The following UTP25 variants were observed in gnomAD, a reference collection of about 807,000 sequenced individuals.
UTP25 encodes UTP25 small subunit processome component, also known as U3 small nucleolar RNA-associated protein 25 homolog.
A neutral mutation model predicts 78.9 loss-of-function variants in UTP25; 50 were observed. The ratio of observed to expected loss-of-function variants is 0.63; its 90% confidence interval spans 0.50 to 0.80. The LOEUF is 0.80. UTP25 is among the 30% of genes least tolerant of loss of function. The pLI, the probability that UTP25 is intolerant of heterozygous loss-of-function variation, is 0.00. For missense variants in UTP25, 846 were observed against 911.3 expected (o/e 0.93, Z 0.92); for synonymous variants, 329 against 336.5 (o/e 0.98, Z 0.24).
chr1:209,842,657 G>C lies in UTP25; in HGVS notation c.1743G>C (p.Arg581Ser). ...VLVQLPHVFQ[R>S]MEAENLASVI... is the part of the protein sequence containing the mutation. Reference sequence around the variant, plus strand: ...TGCAGCTCCCACATGTCTTCCAGAGGATGGAAGCTGAAAACCTAGCTTCAG... The same window carrying C: ...TGCAGCTCCCACATGTCTTCCAGAGCATGGAAGCTGAAAACCTAGCTTCAG... The change falls in exon 10 of 12, where the codon AGG becomes AGC. Residue 581 changes from arginine (R) to serine (S), a missense_variant. By Grantham distance (110) the Arg-to-Ser change is moderately radical (BLOSUM62 -1). Transcript: ENST00000491415. The C allele has an allele frequency of 1.9e-6, 3 of 1,613,412 alleles. No individual in the cohort carries two copies. Among genetic ancestry groups the C allele is most frequent in the South Asian group, 1.1e-5 (1 of 90,778 alleles).
In UTP25 at chr1:209,833,241, A is replaced by T. The variant is rs750519776; in HGVS notation, c.445A>T (p.Thr149Ser). Residue 149 changes from threonine (T) to serine (S), a missense_variant, in exon 4 of 12, where the codon ACA becomes TCA. Physicochemically the swap from Thr to Ser is moderately conservative, Grantham distance 58. Coordinates refer to ENST00000491415, the MANE Select transcript of UTP25 (RefSeq NM_014388.7). ...AGAAGATGGGGAAGAGCCACCGGGC[A>T]CATCACAAACATCCCCCGAAGAGTT... ...GKEDGEEPPG[T>S]SQTSPEEFTD... 2 of 1,614,056 alleles carry T rather than the reference A, an allele frequency of 1.2e-6. No individual in the cohort carries two copies. The highest frequency in any genetic ancestry group is 8.5e-7 in the Non-Finnish European group (1 of 1,179,976).
Position 209,856,773 on chromosome 1 carries a change from T to G in UTP25, c.*5326T>G, listed in dbSNP as rs766043119. 4 of 152,250 alleles carry G rather than the reference T, an allele frequency of 2.6e-5. No individual in the cohort carries two copies. The highest frequency in any genetic ancestry group is 5.9e-5 in the Non-Finnish European group (4 of 68,050). 9.4% of individuals were successfully genotyped at this position (152,250 alleles called of 1,614,324 possible). ...TGTACTTCAGGGTTGATGCTGGCCA[T>G]TTGGTGGCGTGAGGAGTGGGCACTC... On this transcript the variant is annotated 3_prime_UTR_variant, in exon 12 of 12. Coordinates refer to ENST00000491415, the MANE Select transcript of UTP25 (RefSeq NM_014388.7).
chr1:209,843,857 C>CTTGG (rs2078181367), intron 11 of UTP25, 161 bp downstream of exon 11: 2 of 979,572 alleles, frequency 2.0e-6, no homozygotes, highest in East Asian at 5.2e-5. Context: ...ACAGACTCTT[C>CTTGG]TTGGTTGGTT....
intron 4 of UTP25, 84 bp downstream of exon 4, chr1:209,833,442 G>A: frequency 8.3e-7 from 1 of 1,208,250 alleles, no homozygotes; most frequent in Non-Finnish European, 1.1e-6. Flanking sequence ...TCTATTATTG[G>A]AACAAACAGC....
Position 209,851,833 on chromosome 1 carries a change from T to TG in UTP25, c.*386_*387insG. 6.1e-6 allele frequency: 1 copy of TG among 164,058 alleles called. No homozygotes were observed. Among genetic ancestry groups the TG allele is most frequent in the Non-Finnish European group, 1.3e-5 (1 of 74,934 alleles). The allele number at this position is 164,058 out of a possible 1,614,324, so 10.2% of individuals were successfully genotyped here. On this transcript the variant is annotated 3_prime_UTR_variant, in exon 12 of 12. Transcript: ENST00000491415. ...ACTTCCTTAAAGTAAGGAATACACA[T>TG]TGCTTGCGAGAACTGGTTATGAGAC...
intron 6 of UTP25, 104 bp from the exon 7 acceptor site, chr1:209,838,805 A>G (rs746313784): frequency 7.9e-7 from 1 of 1,263,534 alleles, no homozygotes; most frequent in Non-Finnish European, 1.2e-6. Flanking sequence ...GCTGGGGGCC[A>G]CTGCTCTACA....
intron 5 of UTP25, 22 bp from the exon 6 acceptor site, chr1:209,836,779 T>C (rs778845850): frequency 6.4e-7 from 1 of 1,560,520 alleles, no homozygotes; most frequent in South Asian, 1.2e-5. Flanking sequence ...CTAATTTGGC[T>C]CTTGATCTGT....
At position 209,838,914 on chromosome 1, in the gene UTP25, G is replaced by A. The variant is rs139412208; in HGVS notation, c.1068G>A (p.Leu356=). 211 of 1,614,082 alleles carry A rather than the reference G, an allele frequency of 1.3e-4. No homozygotes were observed. The African/African-American group carries it at 2.5e-3, about 19-fold the overall frequency. Residue 356 remains leucine (L), a synonymous_variant, in exon 7 of 12, where the codon CTG becomes CTA. Coordinates refer to ENST00000491415, the MANE Select transcript of UTP25 (RefSeq NM_014388.7). ...TGCTGTTGCTGTCTGCACAGGTACT[G>A]ATAGTGGTGCCATTCCGGGAAGCTG... is the stretch of plus-strand genomic sequence containing the variant. The part of the protein sequence containing the change: ...RDQGLTRPKV[L]IVVPFREAAL...
intron 10 of UTP25, chr1:209,843,113 A>G (rs898544174): frequency 3.7e-5 from 14 of 380,424 alleles, no homozygotes; most frequent in Non-Finnish European, 5.7e-5. Flanking sequence ...GGCTTAGTAT[A>G]TGGTAGATGT....
chr1:209,831,078 C>T, intron 3 of UTP25, 35 bp downstream of exon 3: 1 of 1,610,196 alleles, frequency 6.2e-7, no homozygotes, highest in Non-Finnish European at 8.5e-7. Flanking sequence ...TCATCTTTGC[C>T]AGAACTATAG....
chr1:209,829,598 C>T (rs1490612507), intron 1 of UTP25, among the ~76,000 whole-genome samples: 3 of 152,008 alleles, frequency 2.0e-5, no homozygotes, highest in African/African-American at 7.3e-5. Context: ...GTCCTCCTGC[C>T]TCAGCCTTCC....
At position 209,855,962 on chromosome 1, in the gene UTP25, CCTCT is replaced by C. The variant is rs2078272721; in HGVS notation, c.*4519_*4522del. 6.6e-6 allele frequency: 1 copy of C among 152,432 alleles called. No homozygotes were observed. The highest frequency in any genetic ancestry group is 1.5e-5 in the Non-Finnish European group (1 of 68,190). 9.4% of individuals were successfully genotyped at this position (152,432 alleles called of 1,614,324 possible). On this transcript the variant is annotated 3_prime_UTR_variant, in exon 12 of 12. Transcript: ENST00000491415. ...CCTTCGTCCTCACTGACCTCTGCAGCCTCTCTCATCTGCCAGTTTTGATTCCGCA... is the reference window on the plus strand; with the variant it reads ...CCTTCGTCCTCACTGACCTCTGCAGCCTCATCTGCCAGTTTTGATTCCGCA...
In UTP25 at chr1:209,843,590, A is replaced by G; in HGVS notation, c.1921A>G (p.Ile641Val). The G allele has an allele frequency of 6.2e-7, 1 of 1,614,180 alleles. No homozygotes were observed. The highest frequency in any genetic ancestry group is 8.5e-7 in the Non-Finnish European group (1 of 1,180,008). ...FKKEELNFTH[I>V]CEYTQKSGVS... ...GAAGGAGGAATTGAATTTTACCCAC[A>G]TCTGCGAGTACACGCAGAAGTCTGG... is the stretch of plus-strand genomic sequence containing the variant. Residue 641 changes from isoleucine (I) to valine (V), a missense_variant, in exon 11 of 12, where the codon ATC becomes GTC. Ile to Val is a conservative substitution (Grantham distance 29). Coordinates refer to ENST00000491415, the MANE Select transcript of UTP25 (RefSeq NM_014388.7).
intron 11 of UTP25, among the ~76,000 whole-genome samples, chr1:209,849,443 G>A (rs1302782093): frequency 6.6e-6 from 1 of 152,070 alleles, no homozygotes; most frequent in Non-Finnish European, 1.5e-5. Flanking sequence ...CTTCCCTTAA[G>A]GGCAGACAAC....
chr1:209,829,833 G>A (rs1465681035), intron 1 of UTP25, among the ~76,000 whole-genome samples: 2 of 152,022 alleles, frequency 1.3e-5, no homozygotes, highest in Non-Finnish European at 2.9e-5. Context: ...CATGAACCCC[G>A]AAATCTTTTA....
intron 11 of UTP25, among the ~76,000 whole-genome samples, chr1:209,845,816 T>TC: frequency 6.6e-6 from 1 of 151,740 alleles, no homozygotes; most frequent in Middle Eastern, 3.4e-3. Context: ...ATTTTTTTTT[T>TC]TTTAATTTGA....
At chr1:209,829,940 C>G (rs912260424) in intron 1 of UTP25, among the ~76,000 whole-genome samples, 168 bp from the exon 2 acceptor site, 1 of 152,198 alleles carries the variant, frequency 6.6e-6, no homozygotes, top group Non-Finnish European at 1.5e-5. Flanking sequence ...CAGTTATTAA[C>G]CATATTCTTG....
At chr1:209,843,342 G>C in intron 10 of UTP25, 109 bp from the exon 11 acceptor site, 1 of 1,341,312 alleles carries the variant, frequency 7.5e-7, no homozygotes, top group Middle Eastern at 1.9e-4. Flanking sequence ...TGGCCTCTGG[G>C]GAGGTAATCT....
rs770908663 is a variant in UTP25, at chr1:209,833,191, C to G, written c.395C>G (p.Ala132Gly). ...ATGTTTCTCAAAACTGCAGATGTAGCTTTATCTGCTGACCCTGAGGGAAAA... is the reference window on the plus strand; with the variant it reads ...ATGTTTCTCAAAACTGCAGATGTAGGTTTATCTGCTGACCCTGAGGGAAAA... ...AESTESPENV[A>G]LSADPEGKED... The change falls in exon 4 of 12, where the codon GCT (alanine) becomes GGT (glycine). Residue 132 changes from alanine (A) to glycine (G), a missense_variant. Coordinates refer to ENST00000491415, the MANE Select transcript of UTP25 (RefSeq NM_014388.7). The G allele has an allele frequency of 6.2e-7, 1 of 1,612,894 alleles. No homozygotes were observed. Among genetic ancestry groups the G allele is most frequent in the Non-Finnish European group, 8.5e-7 (1 of 1,179,550 alleles).
Sources: gnomAD v4.1 joint callset for allele counts (sites outside exome capture counted in the v4.1 genomes callset) on GRCh38, gnomAD v4.1.1 for gene constraint, MANE v1.5 for transcripts, NCBI Gene and HGNC (gene_info 2026-07-23, HGNC 2026-07-21) for gene names.